PDE4D: variants seen among roughly 807,000 people sequenced by gnomAD.
The protein encoded by PDE4D is 3',5'-cyclic-AMP phosphodiesterase 4D.
PDE4D carries 24 observed loss-of-function variants against 87.4 expected under a neutral mutation model. The observed-to-expected ratio is 0.27, with a 90% CI of 0.20 to 0.39. The LOEUF is 0.39. Ranked by LOEUF, PDE4D falls within the 10% of genes least tolerant of loss-of-function variation. The probability of loss-of-function intolerance (pLI) is 1.00; values close to 1 mark genes in which losing one functional copy is unlikely to be tolerated. For missense variants in PDE4D, 714 were observed against 1,041.0 expected (o/e 0.69, Z 4.32); for synonymous variants, 384 against 383.2 (o/e 1.00, Z -0.02).
chr5:59,214,842 A>G (rs910721431), intron 2 of PDE4D, among the ~76,000 whole-genome samples: 3 of 152,216 alleles, frequency 2.0e-5, no homozygotes, highest in Non-Finnish European at 1.5e-5. Flanking sequence ...CTATTGCAAT[A>G]CAACTGATGC....
chr5:60,421,242 C>T (rs947691725), intron 1 of PDE4D, among the ~76,000 whole-genome samples: 1 of 152,202 alleles, frequency 6.6e-6, no homozygotes, highest in Admixed American at 6.5e-5. Flanking sequence ...CAAGTGGGTC[C>T]CTGACCCCCA....
chr5:59,985,339 C>T (rs952444377), intron 3 of PDE4D, among the ~76,000 whole-genome samples: 1 of 151,610 alleles, frequency 6.6e-6, no homozygotes, highest in African/African-American at 2.4e-5. Context: ...GACTGGGTTT[C>T]ACCGTGTTAG....
intron 5 of PDE4D, among the ~76,000 whole-genome samples, chr5:59,169,855 A>T (rs1410758257): frequency 6.6e-6 from 1 of 152,124 alleles, no homozygotes; most frequent in Non-Finnish European, 1.5e-5. Context: ...TATCCTAGAC[A>T]TTCAGTTCTG....
At chr5:59,666,784 C>T (rs1161246114) in intron 1 of PDE4D, among the ~76,000 whole-genome samples, 1 of 152,162 alleles carries the variant, frequency 6.6e-6, no homozygotes, top group African/African-American at 2.4e-5. Context: ...TTCTGAATTC[C>T]AAGAAGAATG....
At chr5:59,856,914 C>T (rs912569175) in intron 1 of PDE4D, among the ~76,000 whole-genome samples, 12 of 151,752 alleles carry the variant, frequency 7.9e-5, no homozygotes, top group Admixed American at 5.2e-4. Flanking sequence ...TTTTCTACAA[C>T]CCACCCACTT....
At chr5:60,208,185 C>T (rs572308011) in intron 1 of PDE4D, among the ~76,000 whole-genome samples, 1 of 152,276 alleles carries the variant, frequency 6.6e-6, no homozygotes, top group East Asian at 1.9e-4. Flanking sequence ...GAGTAAAATA[C>T]ATTCTGTGAG....
chr5:59,680,634 T>A (rs1218200829), intron 1 of PDE4D, among the ~76,000 whole-genome samples: 1 of 152,172 alleles, frequency 6.6e-6, no homozygotes, highest in Admixed American at 6.5e-5. Context: ...GAATTAGGCA[T>A]ATAAAACATA....
chr5:59,255,797 A>C (rs866895023), intron 1 of PDE4D, among the ~76,000 whole-genome samples: 15 of 152,244 alleles, frequency 9.9e-5, no homozygotes, highest in Middle Eastern at 6.8e-3. Context: ...AAAACTAGTG[A>C]AAATGGATAC....
chr5:59,357,026 G>A (rs1035357011), intron 1 of PDE4D: 21 of 636,848 alleles, frequency 3.3e-5, no homozygotes, highest in Non-Finnish European at 4.5e-5. Context: ...GGCTGGAAGG[G>A]ATGGCCAGGA....
chr5:59,200,349 A>G lies in PDE4D; in HGVS notation c.648-6813T>C, dbSNP rs375657967. On this transcript the variant is annotated intron_variant, in intron 2 of 14. Coordinates refer to ENST00000340635, the MANE Select transcript of PDE4D (RefSeq NM_001104631.2). ...TACACGTGTATGTACAGCTACACGT[A>G]TACATACACGTGTATGTACAGCTAC... Among the ~76,000 whole-genome samples the G allele has an allele frequency of 4.3e-3, 424 of 98,488 alleles. 14 individuals carry two copies. The highest frequency in any genetic ancestry group is 0.02 in the African/African-American group (383 of 19,370). 64.6% of individuals were successfully genotyped at this position (98,488 alleles called of 152,430 possible).
At chr5:59,337,390 G>T (rs897746398) in intron 1 of PDE4D, among the ~76,000 whole-genome samples, 1 of 146,596 alleles carries the variant, frequency 6.8e-6, no homozygotes, top group African/African-American at 2.5e-5. Flanking sequence ...GGAGGGCAGT[G>T]GTGTGATCTC....
At chr5:60,364,728 C>T (rs1760373979) in intron 1 of PDE4D, among the ~76,000 whole-genome samples, 1 of 152,116 alleles carries the variant, frequency 6.6e-6, no homozygotes, top group Non-Finnish European at 1.5e-5. Context: ...GGTGCTTAGT[C>T]GTTAAAACAG....
chr5:59,425,876 T>C (rs1459212080), intron 1 of PDE4D, among the ~76,000 whole-genome samples: 3 of 152,164 alleles, frequency 2.0e-5, no homozygotes, highest in Non-Finnish European at 2.9e-5. Context: ...ATGAGCACAA[T>C]TTGTTATGGG....
intron 6 of PDE4D, among the ~76,000 whole-genome samples, chr5:59,031,890 G>A (rs879804617): frequency 1.3e-5 from 2 of 151,810 alleles, no homozygotes; most frequent in Non-Finnish European, 2.9e-5. Context: ...TAGAAAAGTC[G>A]ATCTCAGAAA....
chr5:58,977,751 G>C (rs1002142686), intron 11 of PDE4D, among the ~76,000 whole-genome samples: 4 of 152,180 alleles, frequency 2.6e-5, no homozygotes, highest in African/African-American at 9.7e-5. Flanking sequence ...TATATAAAGT[G>C]AGGATCCTGT....
Position 60,246,141 on chromosome 5 carries a change from A to C in PDE4D, c.-89-60454T>G, listed in dbSNP as rs183928845. Among the ~76,000 whole-genome samples, 5 of 151,988 alleles carry C rather than the reference A, an allele frequency of 3.3e-5. No individual in the cohort carries two copies. In the East Asian group the frequency reaches 5.8e-4, roughly 18 times the overall value. On this transcript the variant is annotated intron_variant, in intron 1 of 16. Coordinates refer to the PDE4D transcript ENST00000502484. ...CCTTTTTTCATTTTCTTATATAGGCATTTAAAGCTATAACTTTCTAACTAT... is the reference window on the plus strand; with the variant it reads ...CCTTTTTTCATTTTCTTATATAGGCCTTTAAAGCTATAACTTTCTAACTAT...
chr5:59,230,420 A>G (rs1489321346), intron 1 of PDE4D, among the ~76,000 whole-genome samples: 1 of 152,154 alleles, frequency 6.6e-6, no homozygotes, highest in Non-Finnish European at 1.5e-5. Flanking sequence ...TAAAAATGTG[A>G]TCCTCAATCA....
intron 11 of PDE4D, among the ~76,000 whole-genome samples, chr5:58,981,432 ATACT>A (rs1314013915): frequency 6.6e-6 from 1 of 151,584 alleles, no homozygotes; most frequent in African/African-American, 2.4e-5. Context: ...TATAAAATAA[ATACT>A]TAAATACTAA....
At chr5:59,224,984 C>T (rs1028208458) in intron 1 of PDE4D, among the ~76,000 whole-genome samples, 1 of 152,078 alleles carries the variant, frequency 6.6e-6, no homozygotes, top group African/African-American at 2.4e-5. Flanking sequence ...AAAGCCCCAA[C>T]CAAAAATTGT....
Sources: allele counts gnomAD v4.1 joint callset (sites outside exome capture counted in the v4.1 genomes callset), GRCh38; gene constraint gnomAD v4.1.1; transcripts MANE v1.5; gene names NCBI Gene and HGNC (gene_info 2026-07-23, HGNC 2026-07-21).